The following ATP9B variants were observed in gnomAD, a reference collection of about 807,000 sequenced individuals.
ATP9B encodes ATPase phospholipid transporting 9B, also known as probable phospholipid-transporting ATPase IIB.
Under a neutral mutation model 146.1 loss-of-function variants are expected in ATP9B, and 110 were observed. The ratio of observed to expected loss-of-function variants is 0.75; its 90% CI spans 0.65 to 0.88. The LOEUF (loss-of-function observed/expected upper bound fraction) is 0.88, where lower values mean the gene tolerates loss of function less well. ATP9B is among the 40% of genes least tolerant of loss of function. The probability of loss-of-function intolerance (pLI) is 0.00; values close to 1 mark genes in which losing one functional copy is unlikely to be tolerated. For missense variants in ATP9B, 1,499 were observed against 1,496.4 expected (o/e 1.00, Z -0.03); for synonymous variants, 604 against 569.7 (o/e 1.06, Z -0.86).
intron 11 of ATP9B, among the ~76,000 whole-genome samples, chr18:79,222,736 GT>G (rs1161958154): frequency 1.6e-4 from 24 of 152,164 alleles, no homozygotes; most frequent in African/African-American, 5.3e-4. Context: ...TCTACTCAAA[GT>G]TTGAAAATTT....
intron 10 of ATP9B, chr18:79,209,700 T>C (rs570643706): frequency 4.1e-6 from 4 of 983,846 alleles, no homozygotes; most frequent in East Asian, 2.3e-4. Context: ...TTTAAAACCA[T>C]CCACTCGAGA....
chr18:79,079,821 G>A (rs774332787), intron 1 of ATP9B, among the ~76,000 whole-genome samples: 13 of 152,240 alleles, frequency 8.5e-5, no homozygotes, highest in East Asian at 3.9e-4. Flanking sequence ...GTTAATTTTC[G>A]TATAAGTTGT....
At chr18:79,251,297 G>A (rs763392002) in intron 11 of ATP9B, among the ~76,000 whole-genome samples, 1 of 152,088 alleles carries the variant, frequency 6.6e-6, no homozygotes, top group Non-Finnish European at 1.5e-5. Flanking sequence ...ATGGCTTTAG[G>A]GTCCTTGTCA....
chr18:79,139,227 T>C (rs2094484703), intron 5 of ATP9B, among the ~76,000 whole-genome samples: 1 of 152,236 alleles, frequency 6.6e-6, no homozygotes, highest in Admixed American at 6.5e-5. Flanking sequence ...GACATTTTAC[T>C]TAGGTTGTAA....
At chr18:79,240,740 C>T (rs1283933142) in intron 11 of ATP9B, among the ~76,000 whole-genome samples, 2 of 152,216 alleles carry the variant, frequency 1.3e-5, no homozygotes, top group African/African-American at 4.8e-5. Flanking sequence ...GAGCGAAACT[C>T]CGCCTCAAAA....
intron 4 of ATP9B, among the ~76,000 whole-genome samples, chr18:79,125,041 GA>G (rs1381391542): frequency 6.6e-6 from 1 of 152,200 alleles, no homozygotes; most frequent in African/African-American, 2.4e-5. Context: ...GGAATGCACA[GA>G]GGAATGGGAA....
intron 11 of ATP9B, among the ~76,000 whole-genome samples, chr18:79,233,904 A>G (rs1232302688): frequency 6.6e-6 from 1 of 152,246 alleles, no homozygotes; most frequent in Admixed American, 6.5e-5. Context: ...TAAGAAAATC[A>G]TAAGAGGGAA....
intron 25 of ATP9B, among the ~76,000 whole-genome samples, chr18:79,357,852 C>T (rs368842851): frequency 2.0e-3 from 3 of 1,528 alleles, no homozygotes. Context: ...TGGAGGTGTC[C>T]GTGTGAGGGA....
chr18:79,257,737 G>A (rs1350391245), intron 12 of ATP9B, among the ~76,000 whole-genome samples: 1 of 152,230 alleles, frequency 6.6e-6, no homozygotes, highest in Non-Finnish European at 1.5e-5. Context: ...TCCCATCTCT[G>A]TCCAGCAAAC....
chr18:79,199,416 G>C (rs926367957), intron 9 of ATP9B, among the ~76,000 whole-genome samples: 1 of 152,042 alleles, frequency 6.6e-6, no homozygotes, highest in Non-Finnish European at 1.5e-5. Flanking sequence ...TACCTAGTCT[G>C]TAGTCTTTTT....
chr18:79,205,314 T>C (rs1319872934), intron 9 of ATP9B, among the ~76,000 whole-genome samples: 6 of 152,274 alleles, frequency 3.9e-5, no homozygotes, highest in Non-Finnish European at 7.3e-5. Context: ...GAATCAGATA[T>C]CTAGCAAATA....
At position 79,081,299 on chromosome 18, in the gene ATP9B, T is replaced by C. The variant is rs1363095144; in HGVS notation, c.119+11770T>C. On this transcript the variant is annotated intron_variant, in intron 1 of 29. Coordinates refer to ENST00000426216, the MANE Select transcript of ATP9B (RefSeq NM_198531.5). ...TTAATTACCGTCTCAGTTTCAGAAC[T>C]TGTTATTGGTCTATTCAGGGATTCA... is the stretch of plus-strand genomic sequence containing the variant. Among the ~76,000 whole-genome samples the C allele has an allele frequency of 2.6e-5, 4 of 152,150 alleles. 1 individual carries two copies. Among genetic ancestry groups the C allele is most frequent in the African/African-American group, 9.7e-5 (4 of 41,448 alleles).
At chr18:79,361,299 T>C (rs998941456) in intron 26 of ATP9B, 3 of 152,210 alleles carry the variant, frequency 2.0e-5, no homozygotes, top group African/African-American at 7.2e-5. Flanking sequence ...TAAATGGCTC[T>C]AGTAACAAGA....
chr18:79,140,305 C>G (rs2094497833), intron 5 of ATP9B, among the ~76,000 whole-genome samples: 1 of 151,968 alleles, frequency 6.6e-6, no homozygotes, highest in Non-Finnish European at 1.5e-5. Flanking sequence ...TGATTATCTT[C>G]TAAATAATTA....
At chr18:79,312,670 A>G (rs891636185) in intron 15 of ATP9B, among the ~76,000 whole-genome samples, 3 of 152,220 alleles carry the variant, frequency 2.0e-5, no homozygotes, top group African/African-American at 7.2e-5. Context: ...CTACTGGTCA[A>G]GTGGGAGGAG....
intron 2 of ATP9B, among the ~76,000 whole-genome samples, chr18:79,102,673 A>G (rs540293842): frequency 5.0e-4 from 76 of 152,290 alleles, no homozygotes; most frequent in African/African-American, 1.6e-3. Context: ...CAAAATCCTT[A>G]CTAGGATTTT....
chr18:79,143,965 T>C, intron 6 of ATP9B, 105 bp downstream of exon 6: 2 of 628,306 alleles, frequency 3.2e-6, no homozygotes, highest in Non-Finnish European at 5.2e-6. Context: ...ACATGTATTT[T>C]GAATCATAAT....
intron 1 of ATP9B, among the ~76,000 whole-genome samples, chr18:79,080,693 T>G (rs1446018383): frequency 6.6e-6 from 1 of 152,232 alleles, no homozygotes; most frequent in African/African-American, 2.4e-5. Flanking sequence ...ATCCTTGTCT[T>G]GTGCTGGTTT....
rs367658343 is a variant in ATP9B, at chr18:79,347,787, G to A, written c.2700G>A (p.Ser900=). Residue 900 remains serine (S), a synonymous_variant, in exon 24 of 30, where the codon TCG becomes TCA. Transcript: ENST00000426216. The part of the protein sequence containing the change: ...GIEGKEGKQA[S]LAADFSITQF... Reference sequence around the variant, plus strand: ...TCTCTCAGGAGGGTAAACAGGCCTCGCTGGCGGCCGACTTCTCCATCACGC... The same window carrying A: ...TCTCTCAGGAGGGTAAACAGGCCTCACTGGCGGCCGACTTCTCCATCACGC... The A allele has an allele frequency of 4.3e-5, 68 of 1,586,322 alleles. No homozygotes were observed. In the African/African-American group the frequency reaches 4.7e-4, roughly 11 times the overall value.
Sources: gnomAD v4.1 joint callset for allele counts (sites outside exome capture counted in the v4.1 genomes callset) on GRCh38, gnomAD v4.1.1 for gene constraint, MANE v1.5 for transcripts, NCBI Gene and HGNC (gene_info 2026-07-23, HGNC 2026-07-21) for gene names.